GALNTL6: variants seen among roughly 807,000 people sequenced by gnomAD.
GALNTL6 encodes the protein polypeptide N-acetylgalactosaminyltransferase like 6, also known as polypeptide N-acetylgalactosaminyltransferase-like 6.
In GALNTL6, 46 loss-of-function variants were observed where a neutral mutation model predicts 73.7. That is an observed-to-expected ratio of 0.62 (90% confidence interval 0.49 to 0.80). The LOEUF is 0.80. GALNTL6 is among the 30% of genes least tolerant of loss of function. The pLI is 0.00. For missense variants in GALNTL6, 604 were observed against 755.0 expected (o/e 0.80, Z 2.34); for synonymous variants, 259 against 263.7 (o/e 0.98, Z 0.17).
At chr4:171,825,093 C>A (rs923006164) in intron 2 of GALNTL6, among the ~76,000 whole-genome samples, 5 of 152,102 alleles carry the variant, frequency 3.3e-5, no homozygotes, top group African/African-American at 1.2e-4. Flanking sequence ...AAAAAACGAT[C>A]TTTTAAATTG....
intron 2 of GALNTL6, among the ~76,000 whole-genome samples, chr4:171,964,752 TG>T (rs1408191596): frequency 6.6e-6 from 1 of 152,218 alleles, no homozygotes; most frequent in African/African-American, 2.4e-5. Context: ...CTGAAGGACT[TG>T]TTTTTCCATC....
At chr4:172,528,514 C>T (rs575011625) in intron 5 of GALNTL6, among the ~76,000 whole-genome samples, 9 of 151,120 alleles carry the variant, frequency 6.0e-5, no homozygotes, top group African/African-American at 1.9e-4. Flanking sequence ...CCTGCCACCA[C>T]GCCCGGCTAA....
intron 2 of GALNTL6, among the ~76,000 whole-genome samples, chr4:171,945,716 C>T (rs892259506): frequency 6.6e-6 from 1 of 152,030 alleles, no homozygotes; most frequent in Non-Finnish European, 1.5e-5. Flanking sequence ...AACATGCATA[C>T]ATTATGATAA....
At chr4:172,086,523 A>G (rs540722743) in intron 2 of GALNTL6, among the ~76,000 whole-genome samples, 93 of 152,222 alleles carry the variant, frequency 6.1e-4, no homozygotes, top group African/African-American at 1.8e-3. Flanking sequence ...TTATTCCTAT[A>G]AACTTTATTC....
chr4:172,231,930 C>T (rs1560981476), intron 3 of GALNTL6, among the ~76,000 whole-genome samples: 1 of 151,972 alleles, frequency 6.6e-6, no homozygotes, highest in Non-Finnish European at 1.5e-5. Context: ...GAAAATTGAT[C>T]ACAAAAGAAA....
intron 5 of GALNTL6, among the ~76,000 whole-genome samples, chr4:172,435,596 A>G (rs1731606752): frequency 6.6e-6 from 1 of 152,142 alleles, no homozygotes; most frequent in Admixed American, 6.6e-5. Flanking sequence ...AGTCTGTCTT[A>G]ATACTAAAAT....
chr4:172,198,806 A>G (rs1233417031), intron 2 of GALNTL6, among the ~76,000 whole-genome samples: 1 of 152,142 alleles, frequency 6.6e-6, no homozygotes, highest in African/African-American at 2.4e-5. Flanking sequence ...CCAAACCACA[A>G]TGTGCTAATT....
At chr4:172,429,283 C>G (rs1377297255) in intron 5 of GALNTL6, among the ~76,000 whole-genome samples, 1 of 151,354 alleles carries the variant, frequency 6.6e-6, no homozygotes, top group Admixed American at 6.6e-5. Flanking sequence ...GTGATCTCAG[C>G]TCGCTGCAAC....
intron 2 of GALNTL6, among the ~76,000 whole-genome samples, chr4:171,826,417 A>G (rs987254479): frequency 6.6e-6 from 1 of 152,144 alleles, no homozygotes; most frequent in Admixed American, 6.6e-5. Flanking sequence ...TTCTTTAGGA[A>G]CGTCCACATA....
chr4:172,730,732 G>A (rs1416728809), intron 5 of GALNTL6, among the ~76,000 whole-genome samples: 1 of 152,102 alleles, frequency 6.6e-6, no homozygotes, highest in Non-Finnish European at 1.5e-5. Context: ...GCTAATGCTG[G>A]TCTTGTAGAA....
Position 172,291,173 on chromosome 4 carries a change from A to G in GALNTL6, c.248-20441A>G, listed in dbSNP as rs550199890. Among the ~76,000 whole-genome samples, 4 of 152,272 alleles carry G rather than the reference A, an allele frequency of 2.6e-5. 1 individual carries two copies. In the South Asian group the frequency reaches 8.3e-4, roughly 32 times the overall value. ...AATATAATACATAAAGCTGACAGCC[A>G]TTAATATCACATGTCCTTTGTTTTG... On this transcript the variant is annotated intron_variant, in intron 3 of 12. Transcript: ENST00000506823.
chr4:172,692,821 A>G (rs1733395487), intron 5 of GALNTL6, among the ~76,000 whole-genome samples: 1 of 152,180 alleles, frequency 6.6e-6, no homozygotes, highest in Admixed American at 6.5e-5. Context: ...AAAATTTTAT[A>G]AGTCAAGACT....
rs200177528 is a variant in GALNTL6 at position 172,180,417 on chromosome 4, GT to G, written c.139-49229del. 2.7e-3 allele frequency among the ~76,000 whole-genome samples: 400 copies of G among 147,722 alleles called. 3 individuals carry two copies. The highest frequency in any genetic ancestry group is 9.1e-3 in the African/African-American group (367 of 40,544). On this transcript the variant is annotated intron_variant, in intron 2 of 12. Coordinates refer to ENST00000506823, the MANE Select transcript of GALNTL6 (RefSeq NM_001034845.3). ...AGGTTTCCTGTTCATTCTGGTGATA[GT>G]TTTTTTTTTGCTGTGCAGAAGCTCT...
intron 5 of GALNTL6, among the ~76,000 whole-genome samples, chr4:172,699,096 A>G (rs1407438522): frequency 6.6e-6 from 1 of 152,124 alleles, no homozygotes; most frequent in African/African-American, 2.4e-5. Context: ...GTGCTTCCAC[A>G]TGGTGGAAGG....
At chr4:172,645,711 A>G (rs1740212890) in intron 5 of GALNTL6, among the ~76,000 whole-genome samples, 1 of 151,956 alleles carries the variant, frequency 6.6e-6, no homozygotes, top group Non-Finnish European at 1.5e-5. Flanking sequence ...TAAGAAAATG[A>G]AGGTCCCTCC....
intron 2 of GALNTL6, among the ~76,000 whole-genome samples, chr4:172,047,292 A>G (rs1288507143): frequency 6.6e-6 from 1 of 152,138 alleles, no homozygotes; most frequent in Non-Finnish European, 1.5e-5. Flanking sequence ...AGACAACACC[A>G]TCTCCTCACT....
At chr4:172,696,235 A>G (rs1733685081) in intron 5 of GALNTL6, among the ~76,000 whole-genome samples, 1 of 152,094 alleles carries the variant, frequency 6.6e-6, no homozygotes, top group South Asian at 2.1e-4. Context: ...TAATTTTTCT[A>G]TTTACACATC....
intron 10 of GALNTL6, among the ~76,000 whole-genome samples, chr4:172,996,986 G>A (rs182780478): frequency 6.6e-6 from 1 of 152,228 alleles, no homozygotes; most frequent in Non-Finnish European, 1.5e-5. Flanking sequence ...GGGTAACCAG[G>A]TCTTCTTCTT....
At chr4:171,829,291 C>T (rs934935689) in intron 2 of GALNTL6, among the ~76,000 whole-genome samples, 12 of 152,118 alleles carry the variant, frequency 7.9e-5, no homozygotes, top group African/African-American at 2.9e-4. Flanking sequence ...GAAGGATACT[C>T]TGCCACCAGC....
Sources: gnomAD v4.1 joint callset for allele counts (sites outside exome capture counted in the v4.1 genomes callset) on GRCh38, gnomAD v4.1.1 for gene constraint, MANE v1.5 for transcripts, NCBI Gene and HGNC (gene_info 2026-07-23, HGNC 2026-07-21) for gene names.